The following AXDND1 variants were observed in gnomAD, a reference collection of about 807,000 sequenced individuals.
AXDND1 encodes axonemal dynein light chain domain containing 1, also known as axonemal dynein light chain domain-containing protein 1.
A neutral mutation model predicts 137.5 loss-of-function variants in AXDND1; 110 were observed. The ratio of observed to expected loss-of-function variants is 0.80; its 90% confidence interval spans 0.69 to 0.94. The LOEUF is 0.94. AXDND1 is among the 40% of genes least tolerant of loss of function. The pLI is 0.00. For missense variants in AXDND1, 1,191 were observed against 1,169.8 expected (o/e 1.02, Z -0.26); for synonymous variants, 414 against 399.7 (o/e 1.04, Z -0.43).
intron 12 of AXDND1, among the ~76,000 whole-genome samples, chr1:179,426,242 G>A (rs1349977321): frequency 6.6e-6 from 1 of 152,082 alleles, no homozygotes; most frequent in Non-Finnish European, 1.5e-5. Flanking sequence ...TGTTTGTATA[G>A]TTAATATTAC....
rs754633857 is a variant in AXDND1 at position 179,394,044 on chromosome 1, G to A, written c.1004+1G>A. On this transcript the variant is annotated splice_donor_variant, in intron 10 of 25. Coordinates refer to ENST00000367618, the MANE Select transcript of AXDND1 (RefSeq NM_144696.6). LOFTEE classifies it high-confidence loss of function. ...AGCATGTTATTGAAGAACTGACCAG[G>A]TAAAAACTGTGATTATCTTAAACAC... 1.9e-6 allele frequency: 3 copies of A among 1,593,328 alleles called. No individual in the cohort carries two copies. The highest frequency in any genetic ancestry group is 2.3e-5 in the South Asian group (2 of 87,672).
At chr1:179,373,790 C>T (rs1213143804) in intron 4 of AXDND1, among the ~76,000 whole-genome samples, 2 of 152,150 alleles carry the variant, frequency 1.3e-5, no homozygotes, top group Non-Finnish European at 2.9e-5. Context: ...AAAGCTGAAA[C>T]TGGATCCCTT....
intron 20 of AXDND1, among the ~76,000 whole-genome samples, chr1:179,493,508 G>A (rs1667141827): frequency 6.6e-6 from 1 of 152,114 alleles, no homozygotes; most frequent in Non-Finnish European, 1.5e-5. Flanking sequence ...CTTCTCTTGG[G>A]TTGATATCTA....
intron 12 of AXDND1, among the ~76,000 whole-genome samples, chr1:179,415,986 A>G (rs1452929804): frequency 2.0e-5 from 3 of 152,180 alleles, no homozygotes; most frequent in Non-Finnish European, 2.9e-5. Flanking sequence ...TGTGCAATAG[A>G]TTGTTGTAAA....
intron 15 of AXDND1, among the ~76,000 whole-genome samples, chr1:179,432,781 G>A (rs1482483195): frequency 1.3e-5 from 2 of 151,946 alleles, no homozygotes; most frequent in African/African-American, 4.8e-5. Flanking sequence ...GCTCACACCT[G>A]TAATTCCAGC....
chr1:179,551,407 C>T lies in AXDND1; in HGVS notation c.3032-3105C>T, dbSNP rs2125765355. 1 of 1,614,010 alleles carries T rather than the reference C, an allele frequency of 6.2e-7. No homozygotes were observed. The highest frequency in any genetic ancestry group is 1.1e-5 in the South Asian group (1 of 91,070). ...TGCCTGACAGAATCTCAGCTGCCATCCTCAGGGACTCAGAAGCAGCCTTTT... is the reference window on the plus strand; with the variant it reads ...TGCCTGACAGAATCTCAGCTGCCATTCTCAGGGACTCAGAAGCAGCCTTTT... On this transcript the variant is annotated intron_variant, in intron 25 of 25. Coordinates refer to ENST00000367618, the MANE Select transcript of AXDND1 (RefSeq NM_144696.6).
intron 11 of AXDND1, among the ~76,000 whole-genome samples, chr1:179,404,224 CTTT>C (rs71111990): frequency 1.5e-5 from 2 of 136,670 alleles, no homozygotes; most frequent in African/African-American, 2.7e-5. Flanking sequence ...TTTTCTTTGT[CTTT>C]TTTTTTTTTT....
At chr1:179,466,861 G>T (rs921686671) in intron 16 of AXDND1, among the ~76,000 whole-genome samples, 1 of 152,102 alleles carries the variant, frequency 6.6e-6, no homozygotes, top group South Asian at 2.1e-4. Context: ...GTGCAGGCAC[G>T]GATCACCTTA....
chr1:179,414,005 C>T (rs1334218712), intron 12 of AXDND1, among the ~76,000 whole-genome samples: 1 of 151,772 alleles, frequency 6.6e-6, no homozygotes, highest in Non-Finnish European at 1.5e-5. Context: ...CAATTATCTA[C>T]CTAGCAAAGA....
intron 15 of AXDND1, among the ~76,000 whole-genome samples, chr1:179,436,025 G>A (rs1658101678): frequency 6.6e-6 from 1 of 152,062 alleles, no homozygotes; most frequent in Admixed American, 6.6e-5. Flanking sequence ...CAAAAAGTGG[G>A]CAAAGGATAT....
chr1:179,388,084 G>A (rs1649517083), intron 9 of AXDND1, among the ~76,000 whole-genome samples: 1 of 152,110 alleles, frequency 6.6e-6, no homozygotes, highest in African/African-American at 2.4e-5. Flanking sequence ...GCTATGGCCT[G>A]GAAAACTCTC....
chr1:179,554,364 G>T, intron 25 of AXDND1, 148 bp from the exon 26 acceptor site: 3 of 1,221,530 alleles, frequency 2.5e-6, no homozygotes, highest in East Asian at 4.7e-5. Flanking sequence ...ATAAATTTAT[G>T]CTGATATGGC....
intron 25 of AXDND1, among the ~76,000 whole-genome samples, chr1:179,535,423 T>C (rs1309885410): frequency 1.3e-5 from 2 of 152,220 alleles, no homozygotes; most frequent in East Asian, 3.9e-4. Flanking sequence ...CCTCCCTGTG[T>C]CCATGTGTTC....
Position 179,366,540 on chromosome 1 carries a change from C to T in AXDND1, c.31C>T (p.Leu11=), listed in dbSNP as rs1374648961. The change falls in exon 2 of 26, where the codon CTA becomes TTA. Residue 11 remains leucine, a synonymous_variant. Coordinates refer to ENST00000367618, the MANE Select transcript of AXDND1 (RefSeq NM_144696.6). MSLPKTPSTP[L]NSTSTSESKK... is the part of the protein sequence containing the mutation. ...TCTCCCGAAAACGCCCTCCACCCCG[C>T]TAAACTCTACATCAACATCTGAGAG... is the stretch of plus-strand genomic sequence containing the variant. 1.2e-6 allele frequency: 2 copies of T among 1,613,668 alleles called. No homozygotes were observed. Among genetic ancestry groups the T allele is most frequent in the African/African-American group, 2.7e-5 (2 of 74,896 alleles).
In AXDND1 at chr1:179,384,935, T is replaced by C. The variant is rs1297954744; in HGVS notation, c.742-303T>C. On this transcript the variant is annotated intron_variant, in intron 8 of 25. Transcript: ENST00000367618. ...TGTGCCACCATGGCTGGCTAATTTT[T>C]ATATTTTTTGTACAGACAGGGTCTC... Among the ~76,000 whole-genome samples the C allele has an allele frequency of 2.6e-5, 4 of 152,086 alleles. No individual in the cohort carries two copies. In the East Asian group the frequency reaches 7.7e-4, roughly 29 times the overall value.
At chr1:179,541,378 A>C (rs1672122908) in intron 25 of AXDND1, among the ~76,000 whole-genome samples, 1 of 152,094 alleles carries the variant, frequency 6.6e-6, no homozygotes, top group Non-Finnish European at 1.5e-5. Flanking sequence ...CAGGTACCTC[A>C]GTTGGAAATG....
chr1:179,482,142 G>T (rs1175218388), intron 17 of AXDND1, among the ~76,000 whole-genome samples: 1 of 122,078 alleles, frequency 8.2e-6, no homozygotes, highest in Non-Finnish European at 1.6e-5. Flanking sequence ...TCTATCTCCA[G>T]GCAAAATCTC....
At chr1:179,402,210 C>T (rs1383323258) in intron 11 of AXDND1, among the ~76,000 whole-genome samples, 1 of 151,482 alleles carries the variant, frequency 6.6e-6, no homozygotes, top group East Asian at 1.9e-4. Context: ...TGTCTATCAG[C>T]AGCATGAAAA....
chr1:179,492,355 A>G (rs928891430), intron 19 of AXDND1, among the ~76,000 whole-genome samples: 1 of 152,158 alleles, frequency 6.6e-6, no homozygotes, highest in African/African-American at 2.4e-5. Flanking sequence ...AATTACAGCC[A>G]TGAGCCACCA....
Sources: gnomAD v4.1 joint callset for allele counts (sites outside exome capture counted in the v4.1 genomes callset) on GRCh38, gnomAD v4.1.1 for gene constraint, MANE v1.5 for transcripts, NCBI Gene and HGNC (gene_info 2026-07-23, HGNC 2026-07-21) for gene names.